The following SORCS3 variants were observed in gnomAD, a reference collection of about 807,000 sequenced individuals.
The protein encoded by SORCS3 is sortilin related VPS10 domain containing receptor 3, also known as VPS10 domain-containing receptor SorCS3.
Under a neutral mutation model 146.3 loss-of-function variants are expected in SORCS3, and 57 were observed. That is an observed-to-expected ratio of 0.39 (90% CI 0.31 to 0.49). SORCS3 has a LOEUF of 0.49. Ranked by LOEUF, SORCS3 falls within the 20% of genes least tolerant of loss-of-function variation. SORCS3 has a pLI of 0.92. For synonymous variants in SORCS3, 653 were observed against 618.5 expected (o/e 1.06, Z -0.83); for missense variants, 1,341 against 1,575.5 (o/e 0.85, Z 2.52).
At chr10:105,088,904 G>C (rs1208288308) in intron 5 of SORCS3, among the ~76,000 whole-genome samples, 1 of 152,210 alleles carries the variant, frequency 6.6e-6, no homozygotes, top group Non-Finnish European at 1.5e-5. Flanking sequence ...TCTTAGAATA[G>C]TGTATAAACT....
chr10:105,114,959 T>A (rs959666819), intron 7 of SORCS3, among the ~76,000 whole-genome samples: 2 of 152,162 alleles, frequency 1.3e-5, no homozygotes, highest in East Asian at 3.9e-4. Flanking sequence ...AAAATAGTAC[T>A]GTTATAAAGT....
intron 2 of SORCS3, among the ~76,000 whole-genome samples, chr10:104,871,052 A>G (rs764065305): frequency 2.0e-5 from 3 of 152,178 alleles, no homozygotes; most frequent in Non-Finnish European, 4.4e-5. Flanking sequence ...TCTGTGCTTC[A>G]GGATACGAGT....
At chr10:104,966,026 A>G (rs2054824640) in intron 3 of SORCS3, among the ~76,000 whole-genome samples, 1 of 152,036 alleles carries the variant, frequency 6.6e-6, no homozygotes, top group African/African-American at 2.4e-5. Flanking sequence ...TACATATTTT[A>G]CTTGTAATAA....
chr10:105,088,106 GA>G, intron 5 of SORCS3, among the ~76,000 whole-genome samples: 1 of 152,224 alleles, frequency 6.6e-6, no homozygotes, highest in Non-Finnish European at 1.5e-5. Flanking sequence ...TAGGGAAGGA[GA>G]GGGGCAGGGA....
chr10:104,925,859 T>A (rs1360611309), intron 3 of SORCS3, among the ~76,000 whole-genome samples: 1 of 152,250 alleles, frequency 6.6e-6, no homozygotes, highest in Non-Finnish European at 1.5e-5. Flanking sequence ...TTCAAATTGC[T>A]CCTATGCAGC....
intron 1 of SORCS3, among the ~76,000 whole-genome samples, chr10:104,678,776 G>A (rs1212861318): frequency 6.6e-6 from 1 of 152,176 alleles, no homozygotes; most frequent in African/African-American, 2.4e-5. Flanking sequence ...ATACTATGGA[G>A]GTTTAAAGAA....
At chr10:105,179,152 C>G (rs1045912133) in intron 14 of SORCS3, among the ~76,000 whole-genome samples, 1 of 152,004 alleles carries the variant, frequency 6.6e-6, no homozygotes, top group African/African-American at 2.4e-5. Context: ...TAGTTTGGCC[C>G]CATTCTCGTC....
chr10:105,005,360 C>T (rs1483680515), intron 4 of SORCS3, among the ~76,000 whole-genome samples: 1 of 152,160 alleles, frequency 6.6e-6, no homozygotes, highest in Non-Finnish European at 1.5e-5. Context: ...ATGTTCATTA[C>T]AGACATATAT....
chr10:104,759,696 C>A (rs2017097826), intron 1 of SORCS3, among the ~76,000 whole-genome samples: 1 of 152,122 alleles, frequency 6.6e-6, no homozygotes, highest in African/African-American at 2.4e-5. Context: ...TACACCCAGG[C>A]TTGGGTAGGT....
intron 5 of SORCS3, among the ~76,000 whole-genome samples, chr10:105,048,234 T>C (rs1380587415): frequency 2.0e-4 from 30 of 151,098 alleles, no homozygotes; most frequent in Admixed American, 1.3e-3. Context: ...CACATGCACA[T>C]GTGTGTTTAT....
chr10:105,201,552 T>C (rs2056575134), intron 16 of SORCS3, among the ~76,000 whole-genome samples: 1 of 152,206 alleles, frequency 6.6e-6, no homozygotes, highest in Non-Finnish European at 1.5e-5. Flanking sequence ...GGAGAAGTTG[T>C]GCTGGGCATT....
At chr10:105,043,541 C>G (rs1004190362) in intron 5 of SORCS3, among the ~76,000 whole-genome samples, 42 of 152,262 alleles carry the variant, frequency 2.8e-4, no homozygotes, top group Non-Finnish European at 4.0e-4. Flanking sequence ...TGGAGAACAG[C>G]AGTTCCACAA....
chr10:105,225,482 G>A (rs1258381014), intron 20 of SORCS3, among the ~76,000 whole-genome samples: 1 of 151,794 alleles, frequency 6.6e-6, no homozygotes, highest in African/African-American at 2.4e-5. Context: ...TTTGATCACT[G>A]TAGATTTATA....
chr10:104,682,519 A>G (rs1416214120), intron 1 of SORCS3, among the ~76,000 whole-genome samples: 4 of 152,192 alleles, frequency 2.6e-5, no homozygotes, highest in African/African-American at 9.7e-5. Context: ...TTTTATTTTT[A>G]AAAGTACTTT....
chr10:104,982,210 C>T (rs145275881), intron 4 of SORCS3, among the ~76,000 whole-genome samples: 20 of 152,220 alleles, frequency 1.3e-4, no homozygotes, highest in Admixed American at 5.9e-4. Flanking sequence ...GCTTGTCCCA[C>T]GCAGGCTTTG....
At chr10:105,087,354 G>T (rs781607414) in intron 5 of SORCS3, among the ~76,000 whole-genome samples, 45 of 152,200 alleles carry the variant, frequency 3.0e-4, no homozygotes, top group African/African-American at 1.1e-3. Flanking sequence ...TTGAAGTCAG[G>T]TATACCTATG....
At chr10:104,781,851 C>T (rs549428955) in intron 1 of SORCS3, among the ~76,000 whole-genome samples, 12 of 152,340 alleles carry the variant, frequency 7.9e-5, no homozygotes, top group South Asian at 2.1e-4. Context: ...TCCTGCTCTT[C>T]AGCTCTGGAC....
At chr10:105,184,644 A>C (rs1203782579) in intron 14 of SORCS3, among the ~76,000 whole-genome samples, 1 of 152,228 alleles carries the variant, frequency 6.6e-6, no homozygotes, top group Non-Finnish European at 1.5e-5. Context: ...TTCTTTAAAA[A>C]AGTTTTATTG....
At chr10:104,896,903 T>C (rs186241229) in intron 2 of SORCS3, among the ~76,000 whole-genome samples, 1 of 152,322 alleles carries the variant, frequency 6.6e-6, no homozygotes, top group East Asian at 1.9e-4. Context: ...ATTTGCTTTC[T>C]GGCCCTGTAC....
Sources: gnomAD v4.1 joint callset for allele counts (sites outside exome capture counted in the v4.1 genomes callset) on GRCh38, gnomAD v4.1.1 for gene constraint, MANE v1.5 for transcripts, NCBI Gene and HGNC (gene_info 2026-07-23, HGNC 2026-07-21) for gene names.